The following DLGAP1 variants were observed in gnomAD, a reference collection of about 807,000 sequenced individuals.
DLGAP1 encodes DLG associated protein 1.
A neutral mutation model predicts 90.8 loss-of-function variants in DLGAP1; 11 were observed. That is an observed-to-expected ratio of 0.12 (90% CI 0.08 to 0.20). The LOEUF is 0.20. Ranked by LOEUF, DLGAP1 falls within the 10% of genes least tolerant of loss-of-function variation. The pLI is 1.00. For missense variants in DLGAP1, 1,050 were observed against 1,333.8 expected, an observed-to-expected ratio of 0.79 and a Z score of 3.31; for synonymous variants, 558 against 540.7, an observed-to-expected ratio of 1.03 and a Z score of -0.44.
intron 3 of DLGAP1, among the ~76,000 whole-genome samples, chr18:3,936,155 C>T (rs2072633321): frequency 6.6e-6 from 1 of 152,204 alleles, no homozygotes; most frequent in Non-Finnish European, 1.5e-5. Flanking sequence ...ACTACTCTTT[C>T]TTTGCAAGCC....
At chr18:4,306,258 A>G (rs2080256389) in intron 1 of DLGAP1, among the ~76,000 whole-genome samples, 2 of 152,158 alleles carry the variant, frequency 1.3e-5, no homozygotes, top group African/African-American at 2.4e-5. Flanking sequence ...CTACATTGCT[A>G]GGAAAGTTGG....
chr18:4,186,733 G>C (rs1236507377), intron 1 of DLGAP1, among the ~76,000 whole-genome samples: 1 of 152,008 alleles, frequency 6.6e-6, no homozygotes, highest in Non-Finnish European at 1.5e-5. Flanking sequence ...TGTTCTTTTT[G>C]CTTAGGATTG....
intron 1 of DLGAP1, among the ~76,000 whole-genome samples, chr18:4,240,593 T>C (rs1240926855): frequency 6.6e-6 from 1 of 152,178 alleles, no homozygotes; most frequent in African/African-American, 2.4e-5. Flanking sequence ...CAGTTTTCTT[T>C]TCCTATACAT....
chr18:4,261,305 G>A (rs1465744941), intron 1 of DLGAP1, among the ~76,000 whole-genome samples: 1 of 150,594 alleles, frequency 6.6e-6, no homozygotes, highest in Non-Finnish European at 1.5e-5. Context: ...GTGATCACAC[G>A]CAGCACTCAC....
chr18:4,313,412 G>T (rs967446436), intron 1 of DLGAP1, among the ~76,000 whole-genome samples: 1 of 152,108 alleles, frequency 6.6e-6, no homozygotes, highest in Admixed American at 6.6e-5. Context: ...AAGAGATGCA[G>T]TTAGCCATGC....
intron 1 of DLGAP1, among the ~76,000 whole-genome samples, chr18:4,377,647 T>C (rs1023601163): frequency 1.3e-5 from 2 of 152,170 alleles, no homozygotes; most frequent in African/African-American, 4.8e-5. Flanking sequence ...AAATTATTAC[T>C]TTCTTATAAA....
At chr18:4,404,642 T>A (rs1443394365) in intron 1 of DLGAP1, among the ~76,000 whole-genome samples, 1 of 152,254 alleles carries the variant, frequency 6.6e-6, no homozygotes, top group Non-Finnish European at 1.5e-5. Flanking sequence ...TGTATTTTCT[T>A]ATTCTACATA....
At chr18:4,393,138 G>A (rs2082371986) in intron 1 of DLGAP1, among the ~76,000 whole-genome samples, 1 of 152,158 alleles carries the variant, frequency 6.6e-6, no homozygotes, top group Admixed American at 6.5e-5. Flanking sequence ...ACATAAATTA[G>A]ATTTTGTCAC....
chr18:3,564,894 GT>G (rs1267168426), intron 9 of DLGAP1, among the ~76,000 whole-genome samples: 1 of 152,120 alleles, frequency 6.6e-6, no homozygotes, highest in Non-Finnish European at 1.5e-5. Context: ...TGATTTTTTA[GT>G]TTGTTGAGAT....
chr18:3,837,830 C>A (rs183360146), intron 4 of DLGAP1, among the ~76,000 whole-genome samples: 1 of 106,750 alleles, frequency 9.4e-6, no homozygotes, highest in African/African-American at 3.6e-5. Context: ...CCAGCCTGGG[C>A]GACAGAGTGA....
intron 1 of DLGAP1, among the ~76,000 whole-genome samples, chr18:4,215,957 C>A (rs181433255): frequency 1.1e-3 from 162 of 152,166 alleles, no homozygotes; most frequent in African/African-American, 3.7e-3. Context: ...ACACCTGAAG[C>A]AATTTTAGAA....
chr18:3,732,186 G>C (rs1337190129), intron 6 of DLGAP1, among the ~76,000 whole-genome samples: 1 of 152,106 alleles, frequency 6.6e-6, no homozygotes, highest in Non-Finnish European at 1.5e-5. Flanking sequence ...ATGTTCCTCT[G>C]CATTTTGTAT....
intron 4 of DLGAP1, among the ~76,000 whole-genome samples, chr18:3,815,479 T>C (rs1046702803): frequency 6.6e-5 from 10 of 152,192 alleles, no homozygotes; most frequent in African/African-American, 2.4e-4. Flanking sequence ...TCTGATTGCT[T>C]GACTTACCTG....
chr18:3,500,615 T>G (rs972631737), intron 12 of DLGAP1, among the ~76,000 whole-genome samples: 7 of 152,004 alleles, frequency 4.6e-5, no homozygotes, highest in African/African-American at 1.7e-4. Flanking sequence ...GAGCCTGGAG[T>G]GCAAACTATA....
chr18:4,079,329 A>G (rs2143583687), intron 2 of DLGAP1, among the ~76,000 whole-genome samples: 1 of 137,486 alleles, frequency 7.3e-6, no homozygotes, highest in South Asian at 2.2e-4. Context: ...ACACACACAC[A>G]CACACACCAT....
At chr18:3,580,562 G>A in intron 8 of DLGAP1, 1 of 1,593,318 alleles carries the variant, frequency 6.3e-7, no homozygotes, top group East Asian at 2.2e-5. Flanking sequence ...AGAGCCAGAG[G>A]AGGGCTCCGG....
At chr18:4,000,457 G>A (rs1008468910) in intron 3 of DLGAP1, among the ~76,000 whole-genome samples, 3 of 151,984 alleles carry the variant, frequency 2.0e-5, no homozygotes, top group East Asian at 1.9e-4. Context: ...ATCACATTTT[G>A]TACTCTCTCC....
At chr18:3,834,740 CT>C (rs1313565916) in intron 4 of DLGAP1, among the ~76,000 whole-genome samples, 2 of 152,178 alleles carry the variant, frequency 1.3e-5, no homozygotes, top group African/African-American at 2.4e-5. Flanking sequence ...GGAGCTTTTA[CT>C]TTTAACCCTG....
At chr18:3,779,330 C>G (rs1395687918) in intron 5 of DLGAP1, among the ~76,000 whole-genome samples, 1 of 152,176 alleles carries the variant, frequency 6.6e-6, no homozygotes, top group African/African-American at 2.4e-5. Context: ...CCCACCTTGG[C>G]CTCCCAAAGT....
Sources: gnomAD v4.1 joint callset for allele counts (sites outside exome capture counted in the v4.1 genomes callset) on GRCh38, gnomAD v4.1.1 for gene constraint, MANE v1.5 for transcripts, NCBI Gene and HGNC (gene_info 2026-07-23, HGNC 2026-07-21) for gene names.